ZSWIM6: variants seen among roughly 807,000 people sequenced by gnomAD.
The protein encoded by ZSWIM6 is zinc finger SWIM-type containing 6, also known as zinc finger SWIM domain-containing protein 6.
ZSWIM6 carries 9 observed loss-of-function variants against 113.2 expected under a neutral mutation model. The ratio of observed to expected loss-of-function variants is 0.08; its 90% CI spans 0.05 to 0.14. ZSWIM6 has a LOEUF of 0.14. Ranked by LOEUF, ZSWIM6 falls within the 10% of genes least tolerant of loss-of-function variation. The pLI is 1.00. For synonymous variants in ZSWIM6, 611 were observed against 606.5 expected, an observed-to-expected ratio of 1.01 and a Z score of -0.11; for missense variants, 1,162 against 1,552.2, an observed-to-expected ratio of 0.75 and a Z score of 4.22.
intron 4 of ZSWIM6, among the ~76,000 whole-genome samples, chr5:61,519,877 A>G (rs1749066476): frequency 6.6e-6 from 1 of 152,144 alleles, no homozygotes; most frequent in South Asian, 2.1e-4. Flanking sequence ...ATCAGGCATT[A>G]GTTAGATTCC....
At chr5:61,501,200 A>C (rs901728726) in intron 4 of ZSWIM6, among the ~76,000 whole-genome samples, 2 of 152,154 alleles carry the variant, frequency 1.3e-5, no homozygotes, top group African/African-American at 4.8e-5. Flanking sequence ...AGAACTCTGT[A>C]TTCTTGGGTC....
At chr5:61,349,905 CAAAAA>C (rs201037245) in intron 1 of ZSWIM6, among the ~76,000 whole-genome samples, 1 of 151,346 alleles carries the variant, frequency 6.6e-6, no homozygotes, top group Non-Finnish European at 1.5e-5. Context: ...AGATGATATG[CAAAAA>C]AAACACATAA....
At chr5:61,519,310 GTTTGGGGGTCC>G (rs1236583955) in intron 4 of ZSWIM6, among the ~76,000 whole-genome samples, 13 of 152,092 alleles carry the variant, frequency 8.5e-5, no homozygotes, top group Admixed American at 2.0e-4. Flanking sequence ...CCACCTCCTG[GTTTGGGGGTCC>G]TTTTTCCCTG....
intron 1 of ZSWIM6, among the ~76,000 whole-genome samples, chr5:61,371,591 A>AT (rs35531244): frequency 0.015 from 2,258 of 152,110 alleles, 46 homozygotes; most frequent in South Asian, 0.042. Flanking sequence ...TTATCTTTTG[A>AT]TTTTTTTTCC....
At chr5:61,386,145 C>A (rs766923342) in intron 1 of ZSWIM6, among the ~76,000 whole-genome samples, 2 of 152,224 alleles carry the variant, frequency 1.3e-5, no homozygotes, top group Non-Finnish European at 2.9e-5. Flanking sequence ...TGCATACATT[C>A]CAAATTGATG....
At chr5:61,402,979 A>G (rs1458889026) in intron 1 of ZSWIM6, among the ~76,000 whole-genome samples, 1 of 152,220 alleles carries the variant, frequency 6.6e-6, no homozygotes, top group African/African-American at 2.4e-5. Context: ...CTTATGTTGT[A>G]CACTTAGGTA....
At chr5:61,539,359 T>C (rs1749667764) in intron 11 of ZSWIM6, among the ~76,000 whole-genome samples, 1 of 152,234 alleles carries the variant, frequency 6.6e-6, no homozygotes, top group African/African-American at 2.4e-5. Flanking sequence ...AGGGTGTGTC[T>C]CAGTGTATCT....
chr5:61,527,704 AT>A (rs1160881651), intron 7 of ZSWIM6, among the ~76,000 whole-genome samples: 2 of 152,232 alleles, frequency 1.3e-5, no homozygotes, highest in African/African-American at 2.4e-5. Context: ...AAAGGATAAT[AT>A]TCAAACAAAG....
intron 1 of ZSWIM6, among the ~76,000 whole-genome samples, chr5:61,464,022 C>T (rs528421977): frequency 5.3e-5 from 8 of 151,990 alleles, no homozygotes; most frequent in African/African-American, 1.9e-4. Flanking sequence ...GATGGGGTTT[C>T]GCTCTTGTTG....
intron 2 of ZSWIM6, among the ~76,000 whole-genome samples, chr5:61,479,405 A>T (rs1197834784): frequency 6.6e-6 from 1 of 151,882 alleles, no homozygotes; most frequent in East Asian, 1.9e-4. Context: ...TTAGCCCAAT[A>T]CCCTTCATCC....
At chr5:61,349,295 C>T (rs1256590306) in intron 1 of ZSWIM6, among the ~76,000 whole-genome samples, 1 of 152,050 alleles carries the variant, frequency 6.6e-6, no homozygotes, top group Non-Finnish European at 1.5e-5. Context: ...AATTTTAAAT[C>T]TAGAACAGCC....
At chr5:61,385,509 C>T (rs776486228) in intron 1 of ZSWIM6, among the ~76,000 whole-genome samples, 3 of 152,234 alleles carry the variant, frequency 2.0e-5, no homozygotes, top group Non-Finnish European at 2.9e-5. Context: ...TTAGCCATTA[C>T]TACCATTGTG....
intron 1 of ZSWIM6, among the ~76,000 whole-genome samples, chr5:61,416,441 T>A (rs563742676): frequency 6.6e-6 from 1 of 152,344 alleles, no homozygotes; most frequent in South Asian, 2.1e-4. Flanking sequence ...ATCTTCCTCC[T>A]AGCTGATTAT....
chr5:61,412,965 GA>G (rs1386146081), intron 1 of ZSWIM6, among the ~76,000 whole-genome samples: 1 of 128,904 alleles, frequency 7.8e-6, no homozygotes, highest in Non-Finnish European at 1.7e-5. Flanking sequence ...GGAAATTAGA[GA>G]TTTTTTTTTT....
chr5:61,334,170 C>G (rs1744335490), intron 1 of ZSWIM6, among the ~76,000 whole-genome samples: 2 of 152,182 alleles, frequency 1.3e-5, no homozygotes, highest in Non-Finnish European at 2.9e-5. Flanking sequence ...TCTGACAGAT[C>G]CTGAGAGTTT....
intron 2 of ZSWIM6, among the ~76,000 whole-genome samples, chr5:61,487,185 G>T (rs1323455850): frequency 6.6e-6 from 1 of 151,944 alleles, no homozygotes; most frequent in African/African-American, 2.4e-5. Context: ...GAATTTTGCG[G>T]ATGATCAGTT....
intron 1 of ZSWIM6, chr5:61,391,449 A>T: frequency 7.7e-7 from 1 of 1,293,834 alleles, no homozygotes; most frequent in Admixed American, 1.7e-5. Context: ...GCTTCTTGCC[A>T]TCCTCATCCT....
chr5:61,522,096 T>G (rs1042468902), intron 5 of ZSWIM6, among the ~76,000 whole-genome samples: 132 of 151,482 alleles, frequency 8.7e-4, no homozygotes, highest in African/African-American at 3.1e-3. Context: ...TTTGTTTGTT[T>G]TTTTTTGTTT....
intron 1 of ZSWIM6, among the ~76,000 whole-genome samples, chr5:61,343,157 G>C (rs538845246): frequency 6.6e-6 from 1 of 152,154 alleles, no homozygotes; most frequent in Non-Finnish European, 1.5e-5. Flanking sequence ...TTGAAAGATA[G>C]GGTTTTATCT....
Sources: allele counts gnomAD v4.1 joint callset (sites outside exome capture counted in the v4.1 genomes callset), GRCh38; gene constraint gnomAD v4.1.1; transcripts MANE v1.5; gene names NCBI Gene and HGNC (gene_info 2026-07-23, HGNC 2026-07-21).